Variants in ZBTB12 observed in about 807,000 individuals in gnomAD.
The protein encoded by ZBTB12 is zinc finger and BTB domain-containing protein 12.
A neutral mutation model predicts 6.4 loss-of-function variants in ZBTB12; 1 was observed. The ratio of observed to expected loss-of-function variants is 0.16; its 90% CI spans 0.06 to 0.74. ZBTB12 has a LOEUF of 0.74. Among genes scored for constraint, ZBTB12 ranks in the 30% least tolerant of loss-of-function variants. The probability of loss-of-function intolerance (pLI) is 0.78; values close to 1 mark genes in which losing one functional copy is unlikely to be tolerated. For missense variants in ZBTB12, 344 were observed against 613.9 expected (o/e 0.56, Z 4.65); for synonymous variants, 273 against 262.5 (o/e 1.04, Z -0.39).
At chr6:31,901,414 C>T (rs1767255451) in intron 1 of ZBTB12, 89 bp from the exon 2 acceptor site, 1 of 1,201,480 alleles carries the variant, frequency 8.3e-7, no homozygotes, top group South Asian at 1.6e-5. Flanking sequence ...CTTGCCCAGC[C>T]CCCCGGCATC....
chr6:31,900,592 G>T lies in ZBTB12; in HGVS notation c.714C>A (p.Ser238=), dbSNP rs1562535997. ...GLGGGLGIGG[S]VGGHLGELAQ... Reference sequence around the variant, plus strand: ...CCAGCTCCCCAAGGTGGCCACCCACGGAGCCTCCAATGCCCAGACCCCCTC... The same window carrying T: ...CCAGCTCCCCAAGGTGGCCACCCACTGAGCCTCCAATGCCCAGACCCCCTC... Residue 238 remains serine (S), a synonymous_variant, in exon 2 of 2, where the codon TCC becomes TCA. Coordinates refer to ENST00000375527, the MANE Select transcript of ZBTB12 (RefSeq NM_181842.3). The surrounding 1 kb of genome is among the most constrained non-coding windows in gnomAD (Gnocchi z 9.7). 1.9e-6 allele frequency: 3 copies of T among 1,612,496 alleles called. No homozygotes were observed. The highest frequency in any genetic ancestry group is 2.5e-6 in the Non-Finnish European group (3 of 1,179,944).
Position 31,899,650 on chromosome 6 carries a change from A to C in ZBTB12, c.*276T>G, listed in dbSNP as rs544562423. On this transcript the variant is annotated 3_prime_UTR_variant, in exon 2 of 2. Transcript: ENST00000375527. ...CTATAGGACCCTTTTCCCTCCCTCC[A>C]CATATACATGCACTTCTAAGAGAAG... The C allele has an allele frequency of 2.3e-6, 1 of 436,046 alleles. No homozygotes were observed. The highest frequency in any genetic ancestry group is 3.9e-5 in the Admixed American group (1 of 25,470). 27.0% of individuals were successfully genotyped at this position (436,046 alleles called of 1,614,324 possible).
chr6:31,901,398 C>A, intron 1 of ZBTB12, 73 bp from the exon 2 acceptor site: 1 of 1,324,982 alleles, frequency 7.5e-7, no homozygotes, highest in Non-Finnish European at 1.0e-6. Flanking sequence ...GACCCTCGCC[C>A]CCATTCTTGC....
rs781556691 is a variant in ZBTB12, at chr6:31,899,894, G to T, written c.*32C>A. ...AGCCCTTTTTCCACGCAGCCCAGGG[G>T]CCCCAGCCTCCTGGCCTCCACGCCT... On this transcript the variant is annotated 3_prime_UTR_variant, in exon 2 of 2. Coordinates refer to ENST00000375527, the MANE Select transcript of ZBTB12 (RefSeq NM_181842.3). 2.0e-6 allele frequency: 3 copies of T among 1,537,062 alleles called. No homozygotes were observed. The African/African-American group carries it at 4.1e-5, about 21-fold the overall frequency.
chr6:31,901,347 C>G (rs1767246886), intron 1 of ZBTB12, 22 bp from the exon 2 acceptor site: 1 of 1,572,942 alleles, frequency 6.4e-7, no homozygotes, highest in Non-Finnish European at 8.6e-7. Flanking sequence ...GGAAACCGGT[C>G]AGAGACAAAG....
chr6:31,901,704 C>T (rs1464164259), intron 1 of ZBTB12, 133 bp downstream of exon 1: 12 of 237,570 alleles, frequency 5.1e-5, no homozygotes, highest in Non-Finnish European at 9.1e-5. Context: ...CCGCCCCCCC[C>T]TTACACGTTT....
Position 31,900,260 on chromosome 6 carries a change from A to G in ZBTB12, c.1046T>C (p.Val349Ala), listed in dbSNP as rs1767097625. The change falls in exon 2 of 2, where the codon GTC becomes GCC. Residue 349 changes from valine (V) to alanine (A), a missense_variant. Val to Ala is a moderately conservative substitution (Grantham distance 64). Transcript: ENST00000375527. This position sits in a 1 kb window ranked among gnomAD's most constrained non-coding sequence, Gnocchi z 9.7. Reference protein sequence around the residue: ...PEVFQGVEKLVFHMRAQHFIF... With the variant: ...PEVFQGVEKLAFHMRAQHFIF... ...GAAGTGCTGCGCCCGCATGTGGAAGACCAGCTTCTCCACGCCCTGGAACAC... is the reference window on the plus strand; with the variant it reads ...GAAGTGCTGCGCCCGCATGTGGAAGGCCAGCTTCTCCACGCCCTGGAACAC... 1.2e-6 allele frequency: 2 copies of G among 1,613,734 alleles called. No homozygotes were observed. The highest frequency in any genetic ancestry group is 1.7e-6 in the Non-Finnish European group (2 of 1,180,030).
In ZBTB12 at chr6:31,900,544, G is replaced by C. The variant is rs753644043; in HGVS notation, c.762C>G (p.Ser254Arg). The change falls in exon 2 of 2, where the codon AGC (serine) becomes AGG (arginine). Residue 254 changes from serine to arginine, a missense_variant. Ser to Arg is a moderately radical substitution (Grantham distance 110). Transcript: ENST00000375527. This position sits in a 1 kb window ranked among gnomAD's most constrained non-coding sequence, Gnocchi z 9.7. Reference protein sequence around the residue: ...GELAQSSVPPSTVAPPQGVVK... With the variant: ...GELAQSSVPPRTVAPPQGVVK... Reference sequence around the variant, plus strand: ...CCACACCCTGCGGTGGGGCTACAGTGCTGGGGGGAACGCTGCTCTGGGCCA... The same window carrying C: ...CCACACCCTGCGGTGGGGCTACAGTCCTGGGGGGAACGCTGCTCTGGGCCA... 3 of 1,612,090 alleles carry C rather than the reference G, an allele frequency of 1.9e-6. No homozygotes were observed. The Admixed American group carries it at 5.0e-5, about 27-fold the overall frequency.
rs781570249 is a variant in ZBTB12, at chr6:31,900,823, C to T, written c.483G>A (p.Lys161=). ...GTGGGGGTGGGGGCTTCGGGGCTGG[C>T]TTTGGGGTCCTGGCTGGAGGGAGGA... ...KSLLPPARTP[K]PAPKPPPPPP... Residue 161 remains lysine (K), a synonymous_variant, in exon 2 of 2, where the codon AAG becomes AAA. Transcript: ENST00000375527. This position sits in a 1 kb window ranked among gnomAD's most constrained non-coding sequence, Gnocchi z 9.7. 1.1e-5 allele frequency: 18 copies of T among 1,607,672 alleles called. No homozygotes were observed. The South Asian group carries it at 2.0e-4, about 18-fold the overall frequency.
chr6:31,901,737 C>T (rs1465528352), intron 1 of ZBTB12, 100 bp downstream of exon 1: 2 of 196,148 alleles, frequency 1.0e-5, no homozygotes, highest in Non-Finnish European at 2.1e-5. Flanking sequence ...CACGTCCTCC[C>T]CCCCGCCGCC....
At position 31,899,902 on chromosome 6, in the gene ZBTB12, C is replaced by A; in HGVS notation, c.*24G>T. 1 of 1,549,486 alleles carries A rather than the reference C, an allele frequency of 6.5e-7. No homozygotes were observed. The highest frequency in any genetic ancestry group is 1.2e-5 in the South Asian group (1 of 84,678). Reference sequence around the variant, plus strand: ...TTCCACGCAGCCCAGGGGCCCCAGCCTCCTGGCCTCCACGCCTGCGCGGCT... The same window carrying A: ...TTCCACGCAGCCCAGGGGCCCCAGCATCCTGGCCTCCACGCCTGCGCGGCT... On this transcript the variant is annotated 3_prime_UTR_variant, in exon 2 of 2. Transcript: ENST00000375527.
Position 31,900,669 on chromosome 6 carries a change from C to T in ZBTB12, c.637G>A (p.Val213Met), listed in dbSNP as rs1446421582. The change falls in exon 2 of 2, where the codon GTG becomes ATG. Residue 213 changes from valine to methionine, a missense_variant. Transcript: ENST00000375527. The surrounding 1 kb of genome is among the most constrained non-coding windows in gnomAD (Gnocchi z 9.7). ...TGTGCCACCTCCAGGGCCGACTCCA[C>T]CTTGACGATGCAGATGTCAGACACG... ...EDVSDICIVK[V>M]ESALEVAHRL... is the part of the protein sequence containing the mutation. 1.2e-6 allele frequency: 2 copies of T among 1,612,534 alleles called. No individual in the cohort carries two copies. Among genetic ancestry groups the T allele is most frequent in the Non-Finnish European group, 1.7e-6 (2 of 1,179,788 alleles).
At position 31,899,915 on chromosome 6, in the gene ZBTB12, C is replaced by T. The variant is rs374649189; in HGVS notation, c.*11G>A. ...AGGGGCCCCAGCCTCCTGGCCTCCA[C>T]GCCTGCGCGGCTAGCGGATGAGGAC... On this transcript the variant is annotated 3_prime_UTR_variant, in exon 2 of 2. Transcript: ENST00000375527. The T allele has an allele frequency of 5.7e-4, 897 of 1,563,630 alleles. 2 individuals carry two copies. Among genetic ancestry groups the T allele is most frequent in the Non-Finnish European group, 7.5e-4 (868 of 1,154,084 alleles).
chr6:31,901,051 G>C lies in ZBTB12; in HGVS notation c.255C>G (p.Leu85=), dbSNP rs376539476. The change falls in exon 2 of 2, where the codon CTC becomes CTG. Residue 85 remains leucine (L), a synonymous_variant. Transcript: ENST00000375527. ...CCAAGGCGCCCGTGTAGCAGGAGAGGAGCAAGTCGGCCACGATGCGTGCAC... is the reference window on the plus strand; with the variant it reads ...CCAAGGCGCCCGTGTAGCAGGAGAGCAGCAAGTCGGCCACGATGCGTGCAC... ...MHSARIVADL[L]LSCYTGALEF... The C allele has an allele frequency of 6.6e-5, 107 of 1,614,204 alleles. No homozygotes were observed. The East Asian group carries it at 1.6e-3, about 25-fold the overall frequency.
rs1767155839 is a variant in ZBTB12 at position 31,900,657 on chromosome 6, G to C, written c.649C>G (p.Leu217Val). ...GGTTTGAGCCGGTGTGCCACCTCCA[G>C]GGCCGACTCCACCTTGACGATGCAG... ...DICIVKVESALEVAHRLKPPG... is the reference protein window; with the variant it reads ...DICIVKVESAVEVAHRLKPPG... Residue 217 changes from leucine (L) to valine (V), a missense_variant, in exon 2 of 2, where the codon CTG becomes GTG. Around this residue, in one of 5 missense-constraint regions of ZBTB12, gnomAD observed 241 missense variants for 315.4 expected, o/e 0.76. Coordinates refer to ENST00000375527, the MANE Select transcript of ZBTB12 (RefSeq NM_181842.3). This position sits in a 1 kb window ranked among gnomAD's most constrained non-coding sequence, Gnocchi z 9.7. The C allele has an allele frequency of 6.2e-7, 1 of 1,612,816 alleles. No individual in the cohort carries two copies. Among genetic ancestry groups the C allele is most frequent in the South Asian group, 1.1e-5 (1 of 91,040 alleles).
In ZBTB12 at chr6:31,901,072, T is replaced by A; in HGVS notation, c.234A>T (p.Ala78=). The A allele has an allele frequency of 6.2e-7, 1 of 1,614,152 alleles. No individual in the cohort carries two copies. Among genetic ancestry groups the A allele is most frequent in the Non-Finnish European group, 8.5e-7 (1 of 1,180,030 alleles). ...AGAGGAGCAAGTCGGCCACGATGCG[T>A]GCACTGTGCATCAGGGAGACCTGCA... ...SELQVSLMHS[A]RIVADLLLSC... is the part of the protein sequence containing the mutation. The change falls in exon 2 of 2, where the codon GCA becomes GCT. Residue 78 remains alanine, a synonymous_variant. Coordinates refer to ENST00000375527, the MANE Select transcript of ZBTB12 (RefSeq NM_181842.3).
Position 31,899,885 on chromosome 6 carries a change from A to C in ZBTB12, c.*41T>G. On this transcript the variant is annotated 3_prime_UTR_variant, in exon 2 of 2. Coordinates refer to ENST00000375527, the MANE Select transcript of ZBTB12 (RefSeq NM_181842.3). ...GGGCCAAAGAGCCCTTTTTCCACGC[A>C]GCCCAGGGGCCCCAGCCTCCTGGCC... The C allele has an allele frequency of 2.0e-6, 3 of 1,483,274 alleles. No individual in the cohort carries two copies. The highest frequency in any genetic ancestry group is 2.7e-6 in the Non-Finnish European group (3 of 1,118,134). 91.9% of individuals were successfully genotyped at this position (1,483,274 alleles called of 1,614,324 possible).
Position 31,901,150 on chromosome 6 carries a change from G to C in ZBTB12, c.156C>G (p.Ala52=), listed in dbSNP as rs1479808251. The change falls in exon 2 of 2, where the codon GCC becomes GCG. Residue 52 remains alanine, a synonymous_variant. Transcript: ENST00000375527. The part of the protein sequence containing the change: ...LKFRGHKVIL[A]ACSPFLRDQF... ...GGTCCCGCAGGAAGGGTGAGCAGGC[G>C]GCCAAGATGACCTTGTGGCCTCGAA... 1.2e-5 allele frequency: 20 copies of C among 1,613,810 alleles called. 1 individual carries two copies. The highest frequency in any genetic ancestry group is 6.6e-5 in the South Asian group (6 of 91,080).
chr6:31,900,340 C>T lies in ZBTB12; in HGVS notation c.966G>A (p.Gly322=). The change falls in exon 2 of 2, where the codon GGG becomes GGA. Residue 322 remains glycine, a synonymous_variant. Coordinates refer to ENST00000375527, the MANE Select transcript of ZBTB12 (RefSeq NM_181842.3). This position sits in a 1 kb window ranked among gnomAD's most constrained non-coding sequence, Gnocchi z 9.7. ...TTAAGGGGTTTCCACCTGAGAAGCC[C>T]CCAGGCAGGGGTCCCCGGCTGCCCC... ...GAGGSRGPLP[G]GFSGGNPLKN... 1.2e-6 allele frequency: 2 copies of T among 1,609,924 alleles called. No homozygotes were observed. The highest frequency in any genetic ancestry group is 2.2e-5 in the East Asian group (1 of 44,834).
Sources: allele counts gnomAD v4.1 joint callset, GRCh38; gene constraint gnomAD v4.1.1; regional missense constraint gnomAD v4.1.1; non-coding constraint Gnocchi (gnomAD v3.1); transcripts MANE v1.5; gene names NCBI Gene and HGNC (gene_info 2026-07-23, HGNC 2026-07-21).